The following PTPRM variants were observed in gnomAD, a reference collection of about 807,000 sequenced individuals.
PTPRM encodes the protein receptor-type tyrosine-protein phosphatase mu.
In PTPRM, 47 loss-of-function variants were observed where a neutral mutation model predicts 186.7. The ratio of observed to expected loss-of-function variants is 0.25; its 90% CI spans 0.20 to 0.32. The LOEUF (loss-of-function observed/expected upper bound fraction) is 0.32. Ranked by LOEUF, PTPRM falls within the 10% of genes least tolerant of loss-of-function variation. The probability of loss-of-function intolerance (pLI) is 1.00; values close to 1 mark genes in which losing one functional copy is unlikely to be tolerated. For synonymous variants in PTPRM, 668 were observed against 674.9 expected, an observed-to-expected ratio of 0.99 and a Z score of 0.16; for missense variants, 1,494 against 1,865.0, an observed-to-expected ratio of 0.80 and a Z score of 3.66.
At chr18:7,571,957 A>AT (rs2036575539) in intron 1 of PTPRM, among the ~76,000 whole-genome samples, 1 of 152,038 alleles carries the variant, frequency 6.6e-6, no homozygotes, top group Admixed American at 6.6e-5. Flanking sequence ...AGTTAAGTTT[A>AT]TTTTTTCTTT....
At position 8,053,618 on chromosome 18, in the gene PTPRM, G is replaced by T. The variant is rs151031878; in HGVS notation, c.1133-16068G>T. On this transcript the variant is annotated intron_variant, in intron 7 of 32. Transcript: ENST00000580170. ...ATTTTCCTACCTCATTCTTCCTACGGAGTGTTCTGTTTGGGGACCTTTGCA... is the reference window on the plus strand; with the variant it reads ...ATTTTCCTACCTCATTCTTCCTACGTAGTGTTCTGTTTGGGGACCTTTGCA... Among the ~76,000 whole-genome samples, 9 of 152,212 alleles carry T rather than the reference G, an allele frequency of 5.9e-5. No homozygotes were observed. In the East Asian group the frequency reaches 1.5e-3, roughly 26 times the overall value.
chr18:8,237,066 G>A (rs1444270699), intron 14 of PTPRM, among the ~76,000 whole-genome samples: 1 of 151,912 alleles, frequency 6.6e-6, no homozygotes, highest in Non-Finnish European at 1.5e-5. Flanking sequence ...GTTCACATAT[G>A]TTTACAGCTA....
rs552493047 is a variant in PTPRM, at chr18:7,870,141, T to C, written c.197-17965T>C. 1.1e-4 allele frequency among the ~76,000 whole-genome samples: 16 copies of C among 152,278 alleles called. 1 individual carries two copies. Among genetic ancestry groups the C allele is most frequent in the Admixed American group, 1.0e-3 (16 of 15,288 alleles). ...ATCAGGAAATTTTACTGCTTTTAGG[T>C]GAATATCACTCTAAGCTTTATCAGG... On this transcript the variant is annotated intron_variant, in intron 2 of 32. Coordinates refer to ENST00000580170, the MANE Select transcript of PTPRM (RefSeq NM_001105244.2).
rs562549109 is a variant in PTPRM, at chr18:7,909,853, A to G, written c.547+3270A>G. On this transcript the variant is annotated intron_variant, in intron 4 of 32. Coordinates refer to ENST00000580170, the MANE Select transcript of PTPRM (RefSeq NM_001105244.2). The stretch of plus-strand genomic sequence containing the variant: ...ATAAGATGCAAGATCAGCCTGAAAT[A>G]TGGAGATGACTTTGCAAAATCAGCA... Among the ~76,000 whole-genome samples, 5 of 152,316 alleles carry G rather than the reference A, an allele frequency of 3.3e-5. No individual in the cohort carries two copies. The South Asian group carries it at 1.0e-3, about 32-fold the overall frequency.
At chr18:8,271,253 A>G (rs971952145) in intron 19 of PTPRM, among the ~76,000 whole-genome samples, 1 of 152,050 alleles carries the variant, frequency 6.6e-6, no homozygotes, top group African/African-American at 2.4e-5. Context: ...TTGAGATACA[A>G]AATAATTATT....
chr18:8,281,478 C>G (rs1033790834), intron 19 of PTPRM, among the ~76,000 whole-genome samples: 1 of 152,172 alleles, frequency 6.6e-6, no homozygotes, highest in South Asian at 2.1e-4. Flanking sequence ...GTAGGATGGC[C>G]ACTGCTGCTT....
intron 1 of PTPRM, among the ~76,000 whole-genome samples, chr18:7,646,304 C>A (rs1294965811): frequency 1.3e-5 from 2 of 152,176 alleles, no homozygotes; most frequent in South Asian, 4.1e-4. Flanking sequence ...GTCACACACA[C>A]CTGTGTCCCC....
intron 1 of PTPRM, among the ~76,000 whole-genome samples, chr18:7,713,798 A>G (rs2040263468): frequency 1.3e-5 from 2 of 152,190 alleles, no homozygotes; most frequent in Non-Finnish European, 2.9e-5. Context: ...CATAATGGTA[A>G]AGGTATCAAT....
chr18:8,307,754 A>G (rs901744044), intron 20 of PTPRM, among the ~76,000 whole-genome samples: 2 of 152,074 alleles, frequency 1.3e-5, no homozygotes, highest in African/African-American at 2.4e-5. Context: ...CAGGGAGCCA[A>G]GATCGCGCCA....
At chr18:7,884,640 A>G (rs1370991723) in intron 2 of PTPRM, among the ~76,000 whole-genome samples, 2 of 152,092 alleles carry the variant, frequency 1.3e-5, no homozygotes, top group African/African-American at 4.8e-5. Flanking sequence ...AGCAGATCTT[A>G]GGCCAGGTGC....
At chr18:7,647,881 C>T (rs2155522) in intron 1 of PTPRM, among the ~76,000 whole-genome samples, 1 of 152,202 alleles carries the variant, frequency 6.6e-6, no homozygotes, top group Non-Finnish European at 1.5e-5. Context: ...TCAGGTGATG[C>T]ACATGCTGCT....
chr18:8,388,878 G>A (rs635457), intron 31 of PTPRM, among the ~76,000 whole-genome samples: 117,921 of 151,942 alleles, frequency 0.78, 46,007 homozygotes, highest in African/African-American at 0.84. Context: ...GGAGAATGGC[G>A]TGAACCCGGG....
At chr18:7,927,729 A>G (rs903478566) in intron 5 of PTPRM, among the ~76,000 whole-genome samples, 1 of 152,040 alleles carries the variant, frequency 6.6e-6, no homozygotes, top group African/African-American at 2.4e-5. Context: ...AATCACTGCA[A>G]TGTAAATCTG....
At chr18:7,726,537 G>A (rs868641581) in intron 1 of PTPRM, among the ~76,000 whole-genome samples, 5 of 152,260 alleles carry the variant, frequency 3.3e-5, no homozygotes, top group South Asian at 2.1e-4. Flanking sequence ...TTCTTCAGTA[G>A]AGGTTTATGA....
At position 8,314,812 on chromosome 18, in the gene PTPRM, A is replaced by G; in HGVS notation, c.2874A>G (p.Ile958Met). 6.2e-7 allele frequency: 1 copy of G among 1,612,202 alleles called. No individual in the cohort carries two copies. Among genetic ancestry groups the G allele is most frequent in the East Asian group, 2.2e-5 (1 of 44,822 alleles). Residue 958 changes from isoleucine (I) to methionine (M), a missense_variant, in exon 21 of 33, where the codon ATA becomes ATG. By Grantham distance (10) the Ile-to-Met change is conservative (BLOSUM62 1). This residue lies in a region of PTPRM where 1,107 missense variants were observed against 1,350.2 expected (regional missense o/e 0.82). Transcript: ENST00000580170. ...YDHSRVRLQT[I>M]EGDTNSDYIN... ...ATTCCCGAGTGAGGCTGCAGACAATAGAAGGAGACACAAACTCAGACTATA... is the reference window on the plus strand; with the variant it reads ...ATTCCCGAGTGAGGCTGCAGACAATGGAAGGAGACACAAACTCAGACTATA...
At chr18:7,945,802 T>C (rs2052484200) in intron 5 of PTPRM, among the ~76,000 whole-genome samples, 1 of 152,186 alleles carries the variant, frequency 6.6e-6, no homozygotes, top group Admixed American at 6.5e-5. Context: ...TAAAAGACTG[T>C]CACTGAATAT....
At chr18:8,044,756 CAAA>C (rs67620203) in intron 7 of PTPRM, among the ~76,000 whole-genome samples, 2 of 104,716 alleles carry the variant, frequency 1.9e-5, no homozygotes, top group African/African-American at 3.7e-5. Flanking sequence ...GACTCTGTCT[CAAA>C]AAAAAAAAAA....
At chr18:8,187,846 A>T (rs2146668499) in intron 14 of PTPRM, among the ~76,000 whole-genome samples, 1 of 152,326 alleles carries the variant, frequency 6.6e-6, no homozygotes, top group East Asian at 1.9e-4. Flanking sequence ...GAATTGCTTT[A>T]ACCTTGAAGA....
chr18:8,379,169 G>A lies in PTPRM; in HGVS notation c.3615G>A (p.Thr1205=), dbSNP rs541120059. The change falls in exon 28 of 33, where the codon ACG becomes ACA. Residue 1205 remains threonine, a splice_region_variant and synonymous_variant. Coordinates refer to ENST00000580170, the MANE Select transcript of PTPRM (RefSeq NM_001105244.2). The part of the protein sequence containing the change: ...NSSQIKEEFR[T]LNMVTPTLRV... Reference sequence around the variant, plus strand: ...TGTTCCTTTCTTTTCTCACGCAGACGCTAAACATGGTGACACCAACGCTGC... The same window carrying A: ...TGTTCCTTTCTTTTCTCACGCAGACACTAAACATGGTGACACCAACGCTGC... 2.3e-5 allele frequency: 36 copies of A among 1,596,438 alleles called. No individual in the cohort carries two copies. The South Asian group carries it at 2.6e-4, about 12-fold the overall frequency.
Sources: gnomAD v4.1 joint callset for allele counts (sites outside exome capture counted in the v4.1 genomes callset) on GRCh38, gnomAD v4.1.1 for gene constraint, gnomAD v4.1.1 regional missense constraint, MANE v1.5 for transcripts, NCBI Gene and HGNC (gene_info 2026-07-23, HGNC 2026-07-21) for gene names.